RBFOX1: variants seen among roughly 807,000 people sequenced by gnomAD.
RBFOX1 encodes the protein RNA binding fox-1 homolog 1, also known as RNA binding protein fox-1 homolog 1.
A neutral mutation model predicts 57.7 loss-of-function variants in RBFOX1; 8 were observed. The ratio of observed to expected loss-of-function variants is 0.14; its 90% confidence interval spans 0.08 to 0.25. The LOEUF is 0.25. Among genes scored for constraint, RBFOX1 ranks in the 10% least tolerant of loss-of-function variants. The pLI is 1.00. For missense variants in RBFOX1, 611 were observed against 548.5 expected (o/e 1.11, Z -1.14); for synonymous variants, 326 against 222.4 (o/e 1.47, Z -4.15).
chr16:6,995,693 A>C (rs1209896974), intron 3 of RBFOX1, among the ~76,000 whole-genome samples: 3 of 151,998 alleles, frequency 2.0e-5, no homozygotes, highest in South Asian at 4.1e-4. Context: ...CTGGGAGCAC[A>C]GAGGTTGCAG....
intron 1 of RBFOX1, among the ~76,000 whole-genome samples, chr16:5,392,573 G>T (rs762643386): frequency 1.4e-5 from 2 of 148,102 alleles, no homozygotes; most frequent in Non-Finnish European, 1.5e-5. Flanking sequence ...GGGTCTCATC[G>T]TGTCACCCAG....
intron 4 of RBFOX1, among the ~76,000 whole-genome samples, chr16:7,369,771 A>C (rs2097534325): frequency 6.6e-6 from 1 of 152,194 alleles, no homozygotes; most frequent in Non-Finnish European, 1.5e-5. Context: ...GTGATTGAAA[A>C]ATAAGTAAAT....
At position 7,094,791 on chromosome 16, in the gene RBFOX1, T is replaced by C. The variant is rs938964092; in HGVS notation, c.27+42693T>C. 5.2e-4 allele frequency among the ~76,000 whole-genome samples: 68 copies of C among 131,618 alleles called. 1 individual carries two copies. Among genetic ancestry groups the C allele is most frequent in the African/African-American group, 1.7e-3 (63 of 37,854 alleles). The allele number at this position is 131,618 out of a possible 152,430, so 86.3% of individuals were successfully genotyped here. A position where few individuals can be genotyped will look rare whatever the true frequency, so the allele number is the denominator to read the frequency against. On this transcript the variant is annotated intron_variant, in intron 4 of 15. Coordinates refer to ENST00000550418, the MANE Select transcript of RBFOX1 (RefSeq NM_018723.4). ...GTGTGTGTGTGGGTGTGTGTGTGTG[T>C]TGAGAGAGAGAGAGATTGAGACAGA...
intron 3 of RBFOX1, among the ~76,000 whole-genome samples, chr16:6,867,571 T>C (rs1173990661): frequency 6.6e-6 from 1 of 151,898 alleles, no homozygotes; most frequent in Non-Finnish European, 1.5e-5. Flanking sequence ...ATACAAAAAT[T>C]AGCCAGGCGT....
At chr16:6,640,652 C>T (rs754366270) in intron 2 of RBFOX1, among the ~76,000 whole-genome samples, 2 of 151,916 alleles carry the variant, frequency 1.3e-5, no homozygotes, top group East Asian at 1.9e-4. Flanking sequence ...TTTATAGAGC[C>T]AGTGTGGGAA....
chr16:6,787,947 G>C (rs1442450309), intron 3 of RBFOX1, among the ~76,000 whole-genome samples: 1 of 152,164 alleles, frequency 6.6e-6, no homozygotes, highest in Non-Finnish European at 1.5e-5. Flanking sequence ...ATGAGGCCGG[G>C]CACGGTGGCT....
chr16:7,272,005 A>C (rs893080862), intron 4 of RBFOX1, among the ~76,000 whole-genome samples: 1 of 152,128 alleles, frequency 6.6e-6, no homozygotes, highest in Non-Finnish European at 1.5e-5. Context: ...TGAAGTCATC[A>C]TAGTGTTTTT....
intron 1 of RBFOX1, among the ~76,000 whole-genome samples, chr16:5,447,039 G>A (rs77094531): frequency 0.034 from 5,234 of 152,232 alleles, 313 homozygotes; most frequent in African/African-American, 0.12. Context: ...GCACCCAATA[G>A]ATGCTAATCT....
intron 3 of RBFOX1, among the ~76,000 whole-genome samples, chr16:5,809,140 A>T (rs997569807): frequency 7.9e-5 from 12 of 152,224 alleles, no homozygotes; most frequent in Non-Finnish European, 1.5e-5. Flanking sequence ...CTGAAACTGG[A>T]TCCCTTCCTT....
intron 2 of RBFOX1, among the ~76,000 whole-genome samples, chr16:6,557,502 C>G (rs1025966586): frequency 1.3e-5 from 2 of 152,082 alleles, no homozygotes; most frequent in Admixed American, 6.6e-5. Context: ...TTTTCACAGT[C>G]TGCAGTAATA....
At chr16:5,991,517 G>A (rs955229976) in intron 4 of RBFOX1, among the ~76,000 whole-genome samples, 1 of 152,168 alleles carries the variant, frequency 6.6e-6, no homozygotes, top group Non-Finnish European at 1.5e-5. Flanking sequence ...ATTATTTATT[G>A]ATAAGGACCA....
chr16:5,700,516 G>T (rs184354086), intron 3 of RBFOX1, among the ~76,000 whole-genome samples: 1 of 152,186 alleles, frequency 6.6e-6, no homozygotes, highest in East Asian at 1.9e-4. Context: ...TTCTATGTCA[G>T]CTTTTAAGAT....
chr16:7,120,707 A>C lies in RBFOX1; in HGVS notation c.27+68609A>C, dbSNP rs537579906. On this transcript the variant is annotated intron_variant, in intron 4 of 15. Coordinates refer to ENST00000550418, the MANE Select transcript of RBFOX1 (RefSeq NM_018723.4). ...ATTTAATGTTGGGAAAAAAAAAAAA[A>C]AACTATACACAGTCTCTTACAGAAA... 3.3e-5 allele frequency among the ~76,000 whole-genome samples: 5 copies of C among 150,508 alleles called. No individual in the cohort carries two copies. In the East Asian group the frequency reaches 7.7e-4, roughly 23 times the overall value.
intron 1 of RBFOX1, among the ~76,000 whole-genome samples, chr16:6,132,802 C>G (rs368130714): frequency 2.9e-4 from 44 of 152,112 alleles, no homozygotes; most frequent in African/African-American, 1.0e-3. Flanking sequence ...GCCTGGCCAA[C>G]ATAGGAAAAT....
intron 2 of RBFOX1, among the ~76,000 whole-genome samples, chr16:6,554,725 G>GACACAC (rs34699308): frequency 1.2e-4 from 18 of 148,272 alleles, no homozygotes; most frequent in African/African-American, 4.5e-4. Context: ...AGTAGACACA[G>GACACAC]ACACACACAC....
chr16:5,813,985 C>G (rs1012146525), intron 3 of RBFOX1, among the ~76,000 whole-genome samples: 1 of 152,110 alleles, frequency 6.6e-6, no homozygotes, highest in African/African-American at 2.4e-5. Context: ...ACTTTTGCAC[C>G]GACTTAATAC....
At chr16:5,749,866 C>A (rs188760455) in intron 3 of RBFOX1, among the ~76,000 whole-genome samples, 1 of 152,214 alleles carries the variant, frequency 6.6e-6, no homozygotes, top group Non-Finnish European at 1.5e-5. Context: ...TCTCTCAACT[C>A]GTCGAAGTCA....
Position 5,631,285 on chromosome 16 carries a change from G to A in RBFOX1, c.318+32324G>A, listed in dbSNP as rs560700352. Among the ~76,000 whole-genome samples the A allele has an allele frequency of 1.6e-4, 25 of 152,290 alleles. 1 individual carries two copies. The South Asian group carries it at 2.1e-3, about 13-fold the overall frequency. Reference sequence around the variant, plus strand: ...TTTAAAAGTCTCTCTTCGGGCAGGCGTGGTGGCTTACGCCTGTAATCCCAG... The same window carrying A: ...TTTAAAAGTCTCTCTTCGGGCAGGCATGGTGGCTTACGCCTGTAATCCCAG... On this transcript the variant is annotated intron_variant, in intron 3 of 19. Coordinates refer to the RBFOX1 transcript ENST00000641259.
At chr16:7,017,683 C>G (rs760169181) in intron 3 of RBFOX1, among the ~76,000 whole-genome samples, 8 of 152,138 alleles carry the variant, frequency 5.3e-5, no homozygotes, top group Non-Finnish European at 8.8e-5. Context: ...GTGAGGGAAG[C>G]TTTTCCTTTT....
Sources: allele counts gnomAD v4.1 joint callset (sites outside exome capture counted in the v4.1 genomes callset), GRCh38; gene constraint gnomAD v4.1.1; transcripts MANE v1.5; gene names NCBI Gene and HGNC (gene_info 2026-07-23, HGNC 2026-07-21).